Variants in LAMC2 observed in about 807,000 individuals in gnomAD.
LAMC2 encodes laminin subunit gamma 2.
A neutral mutation model predicts 140.2 loss-of-function variants in LAMC2; 97 were observed. That is an observed-to-expected ratio of 0.69 (90% CI 0.59 to 0.82). The LOEUF (loss-of-function observed/expected upper bound fraction) is 0.82. Among genes scored for constraint, LAMC2 ranks in the 40% least tolerant of loss-of-function variants. LAMC2 has a pLI of 0.00. For synonymous variants in LAMC2, 513 were observed against 540.2 expected (o/e 0.95, Z 0.70); for missense variants, 1,402 against 1,476.1 (o/e 0.95, Z 0.82).
intron 16 of LAMC2, among the ~76,000 whole-genome samples, chr1:183,236,110 A>T (rs895802437): frequency 2.0e-5 from 3 of 152,152 alleles, no homozygotes; most frequent in Non-Finnish European, 4.4e-5. Flanking sequence ...ACCTGTGTAA[A>T]TTAAAAGGCT....
chr1:183,232,710 C>A lies in LAMC2; in HGVS notation c.2073C>A (p.Tyr691Ter). The change falls in exon 14 of 23, where the codon TAC becomes TAA. Residue 691 changes from tyrosine (Y) to a stop codon, truncating the protein, a stop_gained. Coordinates refer to ENST00000264144, the MANE Select transcript of LAMC2 (RefSeq NM_005562.3). LOFTEE classifies it high-confidence loss of function. ...LAKVRSQENS[Y>*]QSRLDDLKMT... Reference sequence around the variant, plus strand: ...AGGTGAGGAGCCAAGAGAACAGCTACCAGAGCCGCCTGGATGACCTCAAGA... The same window carrying A: ...AGGTGAGGAGCCAAGAGAACAGCTAACAGAGCCGCCTGGATGACCTCAAGA... The A allele has an allele frequency of 1.2e-6, 2 of 1,613,788 alleles. No individual in the cohort carries two copies. The highest frequency in any genetic ancestry group is 1.7e-6 in the Non-Finnish European group (2 of 1,179,956).
At chr1:183,213,409 A>G (rs989209653) in intron 2 of LAMC2, among the ~76,000 whole-genome samples, 2 of 152,266 alleles carry the variant, frequency 1.3e-5, no homozygotes, top group Non-Finnish European at 1.5e-5. Context: ...CTAGTAAATT[A>G]AAAGTTCACA....
chr1:183,200,175 G>A (rs1658661283), intron 1 of LAMC2, among the ~76,000 whole-genome samples: 1 of 152,150 alleles, frequency 6.6e-6, no homozygotes, highest in Non-Finnish European at 1.5e-5. Context: ...CAAATCACCT[G>A]AGGTCAGGAG....
chr1:183,258,637 CGGTTTA>C, the LAMC2 span, among the ~76,000 whole-genome samples: 3 of 152,180 alleles, frequency 2.0e-5, no homozygotes, highest in African/African-American at 7.2e-5. Context: ...TTAGAAATTA[CGGTTTA>C]GGAGTCATGC....
rs1659443931 is a variant in LAMC2, at chr1:183,220,810, A to G, written c.504-15A>G. 2 of 1,612,912 alleles carry G rather than the reference A, an allele frequency of 1.2e-6. No homozygotes were observed. Among genetic ancestry groups the G allele is most frequent in the South Asian group, 2.2e-5 (2 of 91,048 alleles). On this transcript the variant is annotated splice_polypyrimidine_tract_variant and intron_variant, in intron 4 of 22. Transcript: ENST00000264144. ...AATAACCTATAATATCCTGATTTCTACAATGCCACTGCAGGTGTCGATCAG... is the reference window on the plus strand; with the variant it reads ...AATAACCTATAATATCCTGATTTCTGCAATGCCACTGCAGGTGTCGATCAG...
chr1:183,211,311 G>A (rs1046003527), intron 2 of LAMC2, among the ~76,000 whole-genome samples: 1 of 103,060 alleles, frequency 9.7e-6, no homozygotes, highest in Admixed American at 1.0e-4. Flanking sequence ...AAGTTTTTGA[G>A]GTCTATGTGA....
downstream of LAMC2, chr1:183,248,886 A>G (rs1210568005): frequency 7.4e-6 from 1 of 135,468 alleles, no homozygotes; most frequent in Non-Finnish European, 1.6e-5. Context: ...TTAGTCCCCT[A>G]AAAGAGTGTG....
At chr1:183,237,295 G>A in intron 17 of LAMC2, 57 bp from the exon 18 acceptor site, 1 of 1,596,362 alleles carries the variant, frequency 6.3e-7, no homozygotes, top group East Asian at 2.2e-5. Context: ...TCCTAACAAG[G>A]CTGGTGTGGT....
chr1:183,201,942 C>T (rs758644189), intron 1 of LAMC2, among the ~76,000 whole-genome samples: 2 of 152,076 alleles, frequency 1.3e-5, no homozygotes, highest in Non-Finnish European at 2.9e-5. Flanking sequence ...TCTTTTGACT[C>T]CAGCACTCTA....
In LAMC2 at chr1:183,231,060, G is replaced by T; in HGVS notation, c.1814G>T (p.Gly605Val). ...TTTGGTGGCCCCAACTGTGAGCATG[G>T]AGCATTCAGCTGTCCAGCTTGCTAT... is the stretch of plus-strand genomic sequence containing the variant. The part of the protein sequence containing the change: ...PGFGGPNCEH[G>V]AFSCPACYNQ... The change falls in exon 12 of 23, where the codon GGA (glycine) becomes GTA (valine). Residue 605 changes from glycine (G) to valine (V), a missense_variant. By Grantham distance (109) the Gly-to-Val change is moderately radical. Transcript: ENST00000264144. 2 of 1,614,156 alleles carry T rather than the reference G, an allele frequency of 1.2e-6. No homozygotes were observed. Among genetic ancestry groups the T allele is most frequent in the East Asian group, 4.5e-5 (2 of 44,890 alleles).
Position 183,243,518 on chromosome 1 carries a change from G to A in LAMC2, c.*118G>A. On this transcript the variant is annotated 3_prime_UTR_variant, in exon 23 of 23. Transcript: ENST00000264144. ...TGAACATGTTTAATGGGTATGCTCA[G>A]GTCAACTGACCTGACCCCATTCCTG... is the stretch of plus-strand genomic sequence containing the variant. 7.6e-7 allele frequency: 1 copy of A among 1,309,332 alleles called. No homozygotes were observed. Among genetic ancestry groups the A allele is most frequent in the Non-Finnish European group, 1.1e-6 (1 of 912,742 alleles). The allele number at this position is 1,309,332 out of a possible 1,614,324, so 81.1% of individuals were successfully genotyped here.
chr1:183,249,878 AT>A (rs1660329853), downstream of LAMC2: 1 of 152,036 alleles, frequency 6.6e-6, no homozygotes, highest in African/African-American at 2.4e-5. Flanking sequence ...ATTCCTAGAA[AT>A]CTACTTCTAT....
intron 1 of LAMC2, among the ~76,000 whole-genome samples, chr1:183,188,411 G>A (rs544352): frequency 0.57 from 86,794 of 152,100 alleles, 25,514 homozygotes; most frequent in East Asian, 0.73. Context: ...CTTCCTGGTT[G>A]TTTCCTTGCA....
Position 183,223,150 on chromosome 1 carries a change from A to G in LAMC2, c.779A>G (p.Asn260Ser). 6.2e-7 allele frequency: 1 copy of G among 1,614,136 alleles called. No homozygotes were observed. Among genetic ancestry groups the G allele is most frequent in the South Asian group, 1.1e-5 (1 of 91,074 alleles). ...YFVAPAKFLG[N>S]QQVSYGQSLS... ...TGTTTCACAGCCAAATTTCTTGGGA[A>G]TCAACAGGTGAGCTATGGTCAAAGC... Residue 260 changes from asparagine to serine, a missense_variant, in exon 7 of 23, where the codon AAT becomes AGT. By Grantham distance (46) the Asn-to-Ser change is conservative. Transcript: ENST00000264144.
chr1:183,195,141 C>A lies in LAMC2; in HGVS notation c.79+8710C>A, dbSNP rs528205345. On this transcript the variant is annotated intron_variant, in intron 1 of 22. Coordinates refer to ENST00000264144, the MANE Select transcript of LAMC2 (RefSeq NM_005562.3). ...ACAAAACTTGGTGTCCCCAGTTTCC[C>A]TGTTCACTGGGACTTTCTTCCCCCT... Among the ~76,000 whole-genome samples the A allele has an allele frequency of 2.6e-5, 4 of 152,326 alleles. No individual in the cohort carries two copies. The East Asian group carries it at 7.7e-4, about 29-fold the overall frequency.
chr1:183,220,915 C>T lies in LAMC2; in HGVS notation c.594C>T (p.Ser198=). The T allele has an allele frequency of 6.2e-7, 1 of 1,614,062 alleles. No homozygotes were observed. The highest frequency in any genetic ancestry group is 8.5e-7 in the Non-Finnish European group (1 of 1,179,900). The part of the protein sequence containing the change: ...FCYGHSASCR[S]SAEYSVHKIT... The stretch of plus-strand genomic sequence containing the variant: ...ATGGGCATTCAGCCAGCTGCCGCAG[C>T]TCTGCAGAATACAGTGTCCATAAGA... The change falls in exon 5 of 23, where the codon AGC becomes AGT. Residue 198 remains serine (S), a synonymous_variant. Transcript: ENST00000264144.
At chr1:183,217,880 G>T (rs1170750757) in intron 3 of LAMC2, among the ~76,000 whole-genome samples, 3 of 152,216 alleles carry the variant, frequency 2.0e-5, no homozygotes, top group Non-Finnish European at 4.4e-5. Context: ...AGAACCATTG[G>T]ATTGTACATT....
intron 1 of LAMC2, among the ~76,000 whole-genome samples, chr1:183,202,498 T>G (rs1053678409): frequency 6.6e-6 from 1 of 152,170 alleles, no homozygotes; most frequent in African/African-American, 2.4e-5. Context: ...AAAGAAAATC[T>G]GCAATAAAGT....
chr1:183,202,080 G>A (rs2102184963), intron 1 of LAMC2, among the ~76,000 whole-genome samples: 2 of 152,014 alleles, frequency 1.3e-5, no homozygotes, highest in Admixed American at 1.3e-4. Flanking sequence ...TGTAATCCTG[G>A]ATGCTCGGGA....
Sources: gnomAD v4.1 joint callset for allele counts (sites outside exome capture counted in the v4.1 genomes callset) on GRCh38, gnomAD v4.1.1 for gene constraint, MANE v1.5 for transcripts, NCBI Gene and HGNC (gene_info 2026-07-23, HGNC 2026-07-21) for gene names.